Variants in MSI1 observed in about 807,000 individuals in gnomAD.
MSI1 encodes the protein musashi RNA binding protein 1.
In MSI1, 15 loss-of-function variants were observed where a neutral mutation model predicts 54.4. That is an observed-to-expected ratio of 0.28 (90% CI 0.18 to 0.42). The LOEUF (loss-of-function observed/expected upper bound fraction) is 0.42, where lower values mean the gene tolerates loss of function less well. MSI1 is among the 20% of genes least tolerant of loss of function. MSI1 has a pLI of 1.00. For missense variants in MSI1, 304 were observed against 506.0 expected, an observed-to-expected ratio of 0.60 and a Z score of 3.83; for synonymous variants, 200 against 196.5, an observed-to-expected ratio of 1.02 and a Z score of -0.15.
At chr12:120,345,716 A>T in intron 13 of MSI1, 84 bp from the exon 14 acceptor site, 1 of 1,541,616 alleles carries the variant, frequency 6.5e-7, no homozygotes, top group Non-Finnish European at 9.0e-7. Flanking sequence ...GGACATCTGA[A>T]GTGAGGCGCT....
downstream of MSI1, among the ~76,000 whole-genome samples, chr12:120,339,785 CT>C (rs368421504): frequency 4.0e-4 from 57 of 143,990 alleles, no homozygotes; most frequent in Admixed American, 4.2e-4. Context: ...TAAAGTAATT[CT>C]TTTTTTTTTT....
chr12:120,348,824 T>C (rs886535097), intron 11 of MSI1, among the ~76,000 whole-genome samples: 2 of 151,778 alleles, frequency 1.3e-5, no homozygotes, highest in African/African-American at 4.8e-5. Flanking sequence ...ACCCAGGAGG[T>C]GGAGGTTGCG....
At chr12:120,367,840 C>T in intron 4 of MSI1, among the ~76,000 whole-genome samples, 168 bp downstream of exon 4, 1 of 152,134 alleles carries the variant, frequency 6.6e-6, no homozygotes, top group African/African-American at 2.4e-5. Flanking sequence ...CCTCCCTCTC[C>T]CCCCCAACTC....
At chr12:120,362,903 T>C in intron 6 of MSI1, 140 bp downstream of exon 6, 1 of 719,486 alleles carries the variant, frequency 1.4e-6, no homozygotes, top group Non-Finnish European at 2.4e-6. Flanking sequence ...TGGATTGGCC[T>C]GGTCTGCCCC....
chr12:120,364,738 G>A lies in MSI1; in HGVS notation c.285C>T (p.Ala95=). 5 of 1,600,270 alleles carry A rather than the reference G, an allele frequency of 3.1e-6. No homozygotes were observed. Among genetic ancestry groups the A allele is most frequent in the Non-Finnish European group, 4.3e-6 (5 of 1,173,572 alleles). ...CCTTGGGCTGTGCTCGCCGAGGGAA[G>A]GCCACCTTAGGGTCAATCTACAAGA... ...LDSKTIDPKV[A]FPRRAQPKMV... Residue 95 remains alanine, a synonymous_variant, in exon 5 of 15, where the codon GCC becomes GCT. Coordinates refer to ENST00000257552, the MANE Select transcript of MSI1 (RefSeq NM_002442.4).
chr12:120,360,164 T>C (rs976789791), intron 6 of MSI1, among the ~76,000 whole-genome samples: 12 of 152,168 alleles, frequency 7.9e-5, no homozygotes, highest in African/African-American at 2.4e-4. Flanking sequence ...TTTTGTATTT[T>C]AGTAGAGATG....
Position 120,355,322 on chromosome 12 carries a change from G to A in MSI1, c.652+1580C>T, listed in dbSNP as rs368550140. Among the ~76,000 whole-genome samples the A allele has an allele frequency of 2.1e-3, 320 of 150,928 alleles. 2 individuals are homozygous for A. Among genetic ancestry groups the A allele is most frequent in the Non-Finnish European group, 3.3e-3 (224 of 67,820 alleles). ...CGGGAGACTGAGGCAGGAGAATGGC[G>A]TGAACCCAGGAGGCGGAGCTTCCAG... On this transcript the variant is annotated intron_variant, in intron 9 of 14. Coordinates refer to ENST00000257552, the MANE Select transcript of MSI1 (RefSeq NM_002442.4).
chr12:120,352,793 T>G (rs1592933056), intron 10 of MSI1, among the ~76,000 whole-genome samples: 1 of 152,138 alleles, frequency 6.6e-6, no homozygotes, highest in Non-Finnish European at 1.5e-5. Context: ...TACTTTCAGG[T>G]CTAGTGTTAT....
At chr12:120,345,815 C>T (rs529682744) in intron 13 of MSI1, among the ~76,000 whole-genome samples, 183 bp from the exon 14 acceptor site, 2 of 152,120 alleles carry the variant, frequency 1.3e-5, no homozygotes, top group East Asian at 3.9e-4. Flanking sequence ...AAAGATTCTC[C>T]AACAGAGGGC....
rs1355066477 is a variant in MSI1, at chr12:120,368,781, G to C, written c.100+52C>G. ...CTGGGGTGTCCGGGTCCGGGGCGCCGGGGGGTCCGGGGTGCCCTGCCGGAC... is the reference window on the plus strand; with the variant it reads ...CTGGGGTGTCCGGGTCCGGGGCGCCCGGGGGTCCGGGGTGCCCTGCCGGAC... On this transcript the variant is annotated intron_variant, in intron 2 of 14. Transcript: ENST00000257552. This position sits in a 1 kb window ranked among gnomAD's most constrained non-coding sequence, Gnocchi z 6.6. 1.5e-6 allele frequency: 2 copies of C among 1,343,534 alleles called. No homozygotes were observed. The highest frequency in any genetic ancestry group is 7.0e-5 in the East Asian group (2 of 28,506). The allele number at this position is 1,343,534 out of a possible 1,614,324, so 83.2% of individuals were successfully genotyped here. A position where few individuals can be genotyped will look rare whatever the true frequency, so the allele number is the denominator to read the frequency against.
At chr12:120,365,582 T>C (rs928739006) in intron 4 of MSI1, among the ~76,000 whole-genome samples, 2 of 152,174 alleles carry the variant, frequency 1.3e-5, no homozygotes, top group African/African-American at 4.8e-5. Context: ...GGAATACTCT[T>C]TGTCTGCAAA....
At chr12:120,352,905 C>G (rs1874750973) in intron 10 of MSI1, among the ~76,000 whole-genome samples, 1 of 152,162 alleles carries the variant, frequency 6.6e-6, no homozygotes, top group South Asian at 2.1e-4. Flanking sequence ...CTTGAAAGAG[C>G]TCAGCCTAGA....
chr12:120,351,202 G>GGCACAGTCTGCTGTGTCC lies in MSI1; in HGVS notation c.790+124_790+141dup, dbSNP rs1285975744. 3 of 841,588 alleles carry GGCACAGTCTGCTGTGTCC rather than the reference G, an allele frequency of 3.6e-6. No homozygotes were observed. The Admixed American group carries it at 6.4e-5, about 18-fold the overall frequency. 52.1% of individuals were successfully genotyped at this position (841,588 alleles called of 1,614,324 possible). ...AGCCGCCCAGACTGGCCAGTGCCCA[G>GGCACAGTCTGCTGTGTCC]GCACAGTCTGCTGTGTCCCCACAGC... is the stretch of plus-strand genomic sequence containing the variant. On this transcript the variant is annotated intron_variant, in intron 11 of 14. Transcript: ENST00000257552.
chr12:120,345,261 G>C (rs1169015975), intron 14 of MSI1, among the ~76,000 whole-genome samples: 2 of 152,138 alleles, frequency 1.3e-5, no homozygotes, highest in South Asian at 2.1e-4. Context: ...GGAGTCTGAG[G>C]TGGGAGGATC....
chr12:120,346,354 C>T (rs1304038316), intron 12 of MSI1, 32 bp from the exon 13 acceptor site: 2 of 1,473,338 alleles, frequency 1.4e-6, no homozygotes, highest in South Asian at 2.8e-5. Context: ...GGTGATAGCC[C>T]TGGTGCCCTC....
chr12:120,348,632 C>G (rs1033709446), intron 11 of MSI1, among the ~76,000 whole-genome samples: 1 of 151,726 alleles, frequency 6.6e-6, no homozygotes, highest in Admixed American at 6.6e-5. Context: ...GCCTGTGATC[C>G]CAGCACTTTG....
intron 4 of MSI1, 26 bp downstream of exon 4, chr12:120,367,982 C>T (rs560639467): frequency 1.0e-5 from 16 of 1,591,458 alleles, no homozygotes; most frequent in African/African-American, 1.3e-5. Flanking sequence ...TCCCAAAGGA[C>T]CCCCGAAGCC....
chr12:120,359,572 CAAGTA>C (rs1875455512), intron 6 of MSI1, among the ~76,000 whole-genome samples: 1 of 152,156 alleles, frequency 6.6e-6, no homozygotes, highest in African/African-American at 2.4e-5. Context: ...GTAATTAAAG[CAAGTA>C]GAGTTCAGTG....
At position 120,368,026 on chromosome 12, in the gene MSI1, G is replaced by A. The variant is rs1218314368; in HGVS notation, c.249C>T (p.His83=). 28 of 1,612,658 alleles carry A rather than the reference G, an allele frequency of 1.7e-5. No individual in the cohort carries two copies. Among genetic ancestry groups the A allele is most frequent in the Non-Finnish European group, 2.3e-5 (27 of 1,179,490 alleles). Residue 83 remains histidine, a synonymous_variant, in exon 4 of 15, where the codon CAC becomes CAT. Coordinates refer to ENST00000257552, the MANE Select transcript of MSI1 (RefSeq NM_002442.4). This position sits in a 1 kb window ranked among gnomAD's most constrained non-coding sequence, Gnocchi z 6.6. ...GVDKVLAQSR[H]ELDSKTIDPK... is the part of the protein sequence containing the mutation. ...CACTCACTGTTTTGGAGTCGAGCTC[G>A]TGCCGCGATTGCGCCAGCACTTTAT...
Sources: allele counts gnomAD v4.1 joint callset (sites outside exome capture counted in the v4.1 genomes callset), GRCh38; gene constraint gnomAD v4.1.1; non-coding constraint Gnocchi (gnomAD v3.1); transcripts MANE v1.5; gene names NCBI Gene and HGNC (gene_info 2026-07-23, HGNC 2026-07-21).